Variants in SLA observed in about 807,000 individuals in gnomAD.
SLA encodes the protein Src like adaptor, also known as src-like-adapter.
SLA carries 16 observed loss-of-function variants against 30.3 expected under a neutral mutation model. That is an observed-to-expected ratio of 0.53 (90% CI 0.36 to 0.80). The LOEUF (loss-of-function observed/expected upper bound fraction) is 0.80. Among genes scored for constraint, SLA ranks in the 30% least tolerant of loss-of-function variants. The pLI is 0.01. For synonymous variants in SLA, 143 were observed against 137.8 expected (o/e 1.04, Z -0.26); for missense variants, 310 against 345.2 (o/e 0.90, Z 0.81).
At chr8:133,040,154 G>A in intron 7 of SLA, 24 bp from the exon 8 acceptor site, 2 of 1,573,210 alleles carry the variant, frequency 1.3e-6, no homozygotes, top group Admixed American at 1.9e-5. Context: ...CAGACAGCCG[G>A]TCAGGGACCC....
At chr8:133,046,276 A>G (rs1440744049) in intron 6 of SLA, among the ~76,000 whole-genome samples, 3 of 152,234 alleles carry the variant, frequency 2.0e-5, no homozygotes, top group East Asian at 3.9e-4. Context: ...TGAAATCTCT[A>G]TTAATTCTCA....
intron 1 of SLA, among the ~76,000 whole-genome samples, chr8:133,100,869 G>T (rs78296236): frequency 6.6e-6 from 1 of 152,164 alleles, no homozygotes; most frequent in Non-Finnish European, 1.5e-5. Context: ...AGCCTTAGGG[G>T]TTAGCCTAAG....
intron 2 of SLA, among the ~76,000 whole-genome samples, chr8:133,065,472 A>G (rs1842910395): frequency 6.6e-6 from 1 of 152,192 alleles, no homozygotes. Context: ...GATTTTTAAA[A>G]GTTATCAGGC....
Position 133,074,824 on chromosome 8 carries a change from C to A in SLA, c.-41+29G>T, listed in dbSNP as rs150676920. On this transcript the variant is annotated intron_variant, in intron 2 of 8. Coordinates refer to ENST00000338087, the MANE Select transcript of SLA (RefSeq NM_001045556.3). ...AAGAGGCCCTGAAGTCTCTCCCCAC[C>A]CCATCTCTGCCACATACTCCCAAAA... 154 of 984,346 alleles carry A rather than the reference C, an allele frequency of 1.6e-4. No individual in the cohort carries two copies. The African/African-American group carries it at 2.5e-3, about 16-fold the overall frequency. The allele number at this position is 984,346 out of a possible 1,614,324, so 61.0% of individuals were successfully genotyped here.
intron 1 of SLA, chr8:133,096,262 C>T: frequency 6.2e-7 from 1 of 1,614,264 alleles, no homozygotes; most frequent in South Asian, 1.1e-5. Context: ...ATGGCCACTT[C>T]CTCCGTGAGC....
chr8:133,050,118 A>T, intron 4 of SLA, 130 bp from the exon 5 acceptor site: 2 of 714,534 alleles, frequency 2.8e-6, no homozygotes, highest in Non-Finnish European at 2.5e-6. Flanking sequence ...GTCACTGGCC[A>T]CGTTAACCCA....
At chr8:133,059,059 T>C (rs948159023) in intron 3 of SLA, 10 of 456,478 alleles carry the variant, frequency 2.2e-5, no homozygotes, top group African/African-American at 6.0e-5. Flanking sequence ...AAATGTGCAG[T>C]ACCTGGAGGC....
In SLA at chr8:133,038,623, G is replaced by T; in HGVS notation, c.732C>A (p.Asn244Lys). ...TTTTCTTCTTTCGATCAAAGGAGGT[G>T]TTGTCCTCACTGGTCAGGGACAGGT... ...ASYLSLTSEDNTSFDRKKKSI... is the reference protein window; with the variant it reads ...ASYLSLTSEDKTSFDRKKKSI... Residue 244 changes from asparagine to lysine, a missense_variant, in exon 9 of 9, where the codon AAC becomes AAA. Asn to Lys is a moderately conservative substitution (Grantham distance 94). Transcript: ENST00000338087. 1.9e-6 allele frequency: 3 copies of T among 1,613,920 alleles called. No homozygotes were observed. Among genetic ancestry groups the T allele is most frequent in the Non-Finnish European group, 2.5e-6 (3 of 1,179,808 alleles).
chr8:133,095,318 C>A, intron 1 of SLA: 1 of 1,463,220 alleles, frequency 6.8e-7, no homozygotes. Flanking sequence ...ACACATGAGG[C>A]TGATGACCAA....
In SLA at chr8:133,040,124, G is replaced by T; in HGVS notation, c.491C>A (p.Ala164Asp). 1 of 1,577,890 alleles carries T rather than the reference G, an allele frequency of 6.3e-7. No individual in the cohort carries two copies. The highest frequency in any genetic ancestry group is 2.3e-5 in the East Asian group (1 of 43,232). ...GGTGAGCACACAGCACAGGCCATCA[G>T]CCACCTCTGAGGAGGGAAGCAGACA... ...EDLVNHYSEV[A>D]DGLCCVLTTP... is the part of the protein sequence containing the mutation. The change falls in exon 8 of 9, where the codon GCT becomes GAT. Residue 164 changes from alanine (A) to aspartate (D), a missense_variant. Physicochemically the swap from Ala to Asp is moderately radical, Grantham distance 126 (BLOSUM62 -2). Coordinates refer to ENST00000338087, the MANE Select transcript of SLA (RefSeq NM_001045556.3).
intron 1 of SLA, among the ~76,000 whole-genome samples, chr8:133,101,670 A>G (rs888793612): frequency 6.6e-6 from 1 of 152,226 alleles, no homozygotes. Context: ...CAGGTGTTTC[A>G]GCATAAAATA....
Position 133,049,997 on chromosome 8 carries a change from A to G in SLA, c.162-9T>C. On this transcript the variant is annotated splice_polypyrimidine_tract_variant and intron_variant, in intron 4 of 8. Coordinates refer to ENST00000338087, the MANE Select transcript of SLA (RefSeq NM_001045556.3). ...TCCACCAGCCCCCTTCACTGTAAGA[A>G]CAAGAACAGAGAAGAACACAGAGAT... The G allele has an allele frequency of 6.3e-7, 1 of 1,587,056 alleles. No individual in the cohort carries two copies. Among genetic ancestry groups the G allele is most frequent in the Non-Finnish European group, 8.7e-7 (1 of 1,155,168 alleles).
At chr8:133,051,541 A>G (rs1224246943) in intron 3 of SLA, among the ~76,000 whole-genome samples, 2 of 152,202 alleles carry the variant, frequency 1.3e-5, no homozygotes, top group African/African-American at 2.4e-5. Flanking sequence ...GCATCTATTT[A>G]ATAGGGACAT....
At chr8:133,095,093 A>G in intron 1 of SLA, 1 of 1,614,230 alleles carries the variant, frequency 6.2e-7, no homozygotes, top group African/African-American at 1.3e-5. Flanking sequence ...GAGAGGGCTC[A>G]GCAGCAGGCA....
intron 1 of SLA, among the ~76,000 whole-genome samples, chr8:133,079,074 C>T (rs1845345821): frequency 6.6e-6 from 1 of 152,150 alleles, no homozygotes; most frequent in Non-Finnish European, 1.5e-5. Context: ...CTTCTAGGTC[C>T]ATGTACTGAG....
At chr8:133,059,905 G>A (rs993553953) in intron 3 of SLA, among the ~76,000 whole-genome samples, 195 bp downstream of exon 3, 1 of 152,174 alleles carries the variant, frequency 6.6e-6, no homozygotes, top group Non-Finnish European at 1.5e-5. Context: ...CTTCAGGTGC[G>A]CCGAGCACCC....
At chr8:133,059,397 G>A (rs1207327626) in intron 3 of SLA, among the ~76,000 whole-genome samples, 2 of 152,228 alleles carry the variant, frequency 1.3e-5, no homozygotes, top group Admixed American at 6.5e-5. Flanking sequence ...TGGATTTGAT[G>A]TTCAGCCTTT....
chr8:133,084,197 A>C (rs187865008), intron 1 of SLA, among the ~76,000 whole-genome samples: 1 of 152,302 alleles, frequency 6.6e-6, no homozygotes, highest in East Asian at 1.9e-4. Context: ...AGAGAGGGGC[A>C]GTCTAGGGGC....
In SLA at chr8:133,071,911, G is replaced by A. The variant is rs145594245; in HGVS notation, c.-41+2942C>T. ...CTCAATGAAAAGCCATGATCTAGCC[G>A]GTGTCTGGCACATAATGCAAGCTCA... On this transcript the variant is annotated intron_variant, in intron 2 of 8. Transcript: ENST00000338087. Among the ~76,000 whole-genome samples, 61 of 152,266 alleles carry A rather than the reference G, an allele frequency of 4.0e-4. 2 individuals carry two copies. The East Asian group carries it at 0.011, about 27-fold the overall frequency.
Sources: allele counts gnomAD v4.1 joint callset (sites outside exome capture counted in the v4.1 genomes callset), GRCh38; gene constraint gnomAD v4.1.1; transcripts MANE v1.5; gene names NCBI Gene and HGNC (gene_info 2026-07-23, HGNC 2026-07-21).